The following KCNIP3 variants were observed in gnomAD, a reference collection of about 807,000 sequenced individuals.
KCNIP3 encodes the protein potassium voltage-gated channel interacting protein 3, also known as calsenilin.
In KCNIP3, 28 loss-of-function variants were observed where a neutral mutation model predicts 35.0. The ratio of observed to expected loss-of-function variants is 0.80; its 90% CI spans 0.59 to 1.10. The LOEUF (loss-of-function observed/expected upper bound fraction) is 1.10, where lower values mean the gene tolerates loss of function less well. Ranked by LOEUF, KCNIP3 falls within the 50% of genes least tolerant of loss-of-function variation. The probability of loss-of-function intolerance (pLI) is 0.00; values close to 1 mark genes in which losing one functional copy is unlikely to be tolerated. For synonymous variants in KCNIP3, 134 were observed against 133.8 expected, an observed-to-expected ratio of 1.00 and a Z score of -0.01; for missense variants, 295 against 338.4, an observed-to-expected ratio of 0.87 and a Z score of 1.01.
At chr2:95,374,800 T>G (rs767292862) in intron 3 of KCNIP3, 48 bp from the exon 4 acceptor site, 54 of 1,594,970 alleles carry the variant, frequency 3.4e-5, no homozygotes, top group Non-Finnish European at 4.3e-5. Flanking sequence ...AGAGTCGGGC[T>G]TGGAGCTGGG....
chr2:95,302,775 C>T (rs1413233452), intron 1 of KCNIP3, among the ~76,000 whole-genome samples: 4 of 152,172 alleles, frequency 2.6e-5, no homozygotes, highest in Non-Finnish European at 4.4e-5. Context: ...CCACTGTCCT[C>T]GGCTGCTGGA....
chr2:95,318,418 A>G (rs1678511109), intron 2 of KCNIP3, among the ~76,000 whole-genome samples: 1 of 152,238 alleles, frequency 6.6e-6, no homozygotes, highest in Non-Finnish European at 1.5e-5. Context: ...GCAGGTGTGT[A>G]TTAAGACCTC....
At chr2:95,354,099 T>A (rs1343880468) in intron 2 of KCNIP3, among the ~76,000 whole-genome samples, 2 of 152,208 alleles carry the variant, frequency 1.3e-5, no homozygotes, top group Admixed American at 6.5e-5. Context: ...AGTGGTTTCC[T>A]CACCTGTAAG....
At chr2:95,339,146 C>T (rs1031237614) in intron 2 of KCNIP3, among the ~76,000 whole-genome samples, 1 of 152,212 alleles carries the variant, frequency 6.6e-6, no homozygotes, top group African/African-American at 2.4e-5. Flanking sequence ...AGTGCAGACA[C>T]TGCTGATTAT....
intron 2 of KCNIP3, among the ~76,000 whole-genome samples, chr2:95,326,284 TAC>T (rs1284719080): frequency 6.6e-6 from 1 of 151,128 alleles, no homozygotes; most frequent in African/African-American, 2.4e-5. Flanking sequence ...TCACTACACA[TAC>T]ACACTCATTA....
chr2:95,324,754 C>T lies in KCNIP3; in HGVS notation c.181+14234C>T, dbSNP rs577892719. On this transcript the variant is annotated intron_variant, in intron 2 of 8. Transcript: ENST00000295225. ...GGTGAAACCCCGTCTCTACTAAAAA[C>T]ACAAAAGTTAGCCTGGCGTAGTGGC... is the stretch of plus-strand genomic sequence containing the variant. 2.2e-4 allele frequency among the ~76,000 whole-genome samples: 34 copies of T among 151,442 alleles called. No individual in the cohort carries two copies. In the East Asian group the frequency reaches 3.2e-3, roughly 14 times the overall value.
chr2:95,336,052 T>C (rs539643469), intron 2 of KCNIP3, among the ~76,000 whole-genome samples: 177 of 152,380 alleles, frequency 1.2e-3, no homozygotes, highest in African/African-American at 4.1e-3. Flanking sequence ...TTATAATTTT[T>C]AGTTGAACAC....
intron 2 of KCNIP3, among the ~76,000 whole-genome samples, chr2:95,342,885 A>AGGAAATTGGGGT (rs1253349277): frequency 6.6e-6 from 1 of 152,222 alleles, no homozygotes; most frequent in African/African-American, 2.4e-5. Context: ...AGGCTGGGAA[A>AGGAAATTGGGGT]GGAAATTGGG....
At chr2:95,306,144 C>T (rs1248857105) in intron 1 of KCNIP3, among the ~76,000 whole-genome samples, 2 of 152,214 alleles carry the variant, frequency 1.3e-5, no homozygotes, top group Non-Finnish European at 2.9e-5. Context: ...TCCACATCCT[C>T]ACCAGCTTTC....
intron 2 of KCNIP3, among the ~76,000 whole-genome samples, chr2:95,324,556 A>AT (rs67010657): frequency 4.7e-4 from 71 of 150,626 alleles, no homozygotes; most frequent in East Asian, 2.5e-3. Context: ...AAATAAATAA[A>AT]AATAACGTGA....
At chr2:95,319,158 T>G (rs1004800268) in intron 2 of KCNIP3, among the ~76,000 whole-genome samples, 5 of 152,084 alleles carry the variant, frequency 3.3e-5, no homozygotes, top group Admixed American at 6.5e-5. Context: ...CCCAAACAAG[T>G]AGAATAACAG....
chr2:95,363,059 C>T (rs1325226172), intron 2 of KCNIP3, among the ~76,000 whole-genome samples: 2 of 152,138 alleles, frequency 1.3e-5, no homozygotes, highest in Non-Finnish European at 2.9e-5. Context: ...GAACACTCTA[C>T]GCTATCTTCT....
intron 2 of KCNIP3, among the ~76,000 whole-genome samples, chr2:95,330,110 G>T (rs1187234988): frequency 1.3e-5 from 2 of 152,236 alleles, no homozygotes; most frequent in East Asian, 3.9e-4. Flanking sequence ...GAGTAATTGA[G>T]TTGCAGGGCT....
rs1160016996 is a variant in KCNIP3, at chr2:95,376,082, A to G, written c.447+874A>G. On this transcript the variant is annotated intron_variant, in intron 5 of 8. Transcript: ENST00000295225. This position sits in a 1 kb window ranked among gnomAD's most constrained non-coding sequence, Gnocchi z 4.2. ...CGCTCCCCGCCTGCCCTGTGACCACAGGACCCCTCGACTCTGAGCCACACT... is the reference window on the plus strand; with the variant it reads ...CGCTCCCCGCCTGCCCTGTGACCACGGGACCCCTCGACTCTGAGCCACACT... Among the ~76,000 whole-genome samples the G allele has an allele frequency of 1.4e-4, 22 of 152,238 alleles. No individual in the cohort carries two copies. The highest frequency in any genetic ancestry group is 1.5e-5 in the Non-Finnish European group (1 of 68,040).
intron 2 of KCNIP3, among the ~76,000 whole-genome samples, chr2:95,344,328 C>T (rs1679293562): frequency 6.6e-6 from 1 of 152,110 alleles, no homozygotes; most frequent in African/African-American, 2.4e-5. Context: ...TTCTCCAAGT[C>T]CCAGGGAAGG....
chr2:95,383,400 TC>T, intron 8 of KCNIP3, 106 bp downstream of exon 8: 1 of 1,141,878 alleles, frequency 8.8e-7, no homozygotes, highest in Non-Finnish European at 1.3e-6. Context: ...CCCCTGCCAG[TC>T]CAGGATGTGG....
At chr2:95,346,278 C>T (rs1203617346) in intron 2 of KCNIP3, among the ~76,000 whole-genome samples, 1 of 151,618 alleles carries the variant, frequency 6.6e-6, no homozygotes, top group Non-Finnish European at 1.5e-5. Context: ...ATCAGCGCCT[C>T]CCCGGGAGAG....
At position 95,350,653 on chromosome 2, in the gene KCNIP3, C is replaced by T. The variant is rs541931910; in HGVS notation, c.182-23643C>T. On this transcript the variant is annotated intron_variant, in intron 2 of 8. Coordinates refer to ENST00000295225, the MANE Select transcript of KCNIP3 (RefSeq NM_013434.5). ...ACAGAGGCTGGAGGTGGGGTGTGCT[C>T]GGTGTCATCAGGGTAAGTGGGTGGA... 5.3e-5 allele frequency among the ~76,000 whole-genome samples: 8 copies of T among 152,144 alleles called. No individual in the cohort carries two copies. In the South Asian group the frequency reaches 6.2e-4, roughly 12 times the overall value.
At chr2:95,367,299 TA>T (rs1160183063) in intron 2 of KCNIP3, among the ~76,000 whole-genome samples, 1 of 152,072 alleles carries the variant, frequency 6.6e-6, no homozygotes, top group Middle Eastern at 3.4e-3. Context: ...AAAATAAAAA[TA>T]AAAAAACCAA....
Sources: gnomAD v4.1 joint callset for allele counts (sites outside exome capture counted in the v4.1 genomes callset) on GRCh38, gnomAD v4.1.1 for gene constraint, Gnocchi (gnomAD v3.1) non-coding constraint, MANE v1.5 for transcripts, NCBI Gene and HGNC (gene_info 2026-07-23, HGNC 2026-07-21) for gene names.